Variants in APOOL observed in about 807,000 individuals in gnomAD.
The protein encoded by APOOL is MICOS complex subunit MIC27.
APOOL carries 12 observed loss-of-function variants against 23.1 expected under a neutral mutation model. The ratio of observed to expected loss-of-function variants is 0.52; its 90% confidence interval spans 0.33 to 0.84. APOOL has a LOEUF of 0.84. APOOL is among the 40% of genes least tolerant of loss of function. APOOL has a pLI of 0.02. For missense variants in APOOL, 212 were observed against 199.6 expected (o/e 1.06, Z -0.37); for synonymous variants, 77 against 69.9 (o/e 1.10, Z -0.51).
At chrX:85,038,528 T>A (rs1922298610) in intron 1 of APOOL, among the ~76,000 whole-genome samples, 2 of 15,835 alleles carry the variant, frequency 1.3e-4, no homozygotes, top group Non-Finnish European at 2.6e-4. Flanking sequence ...GTACAAGTTT[T>A]TTTTTTTTTT....
intron 1 of APOOL, among the ~76,000 whole-genome samples, chrX:85,025,511 A>T (rs1206948514): frequency 8.9e-6 from 1 of 112,220 alleles, no homozygotes; most frequent in Non-Finnish European, 1.9e-5. Context: ...ATCTGAGACA[A>T]GGCAAGTCCC....
At chrX:85,013,956 C>T (rs1293719551) in intron 1 of APOOL, among the ~76,000 whole-genome samples, 1 of 111,377 alleles carries the variant, frequency 9.0e-6, no homozygotes, top group Non-Finnish European at 1.9e-5. Context: ...TGCTGTCTAT[C>T]TCATTTCTTA....
At chrX:85,078,748 G>C (rs2147665490) in intron 8 of APOOL, among the ~76,000 whole-genome samples, 1 of 111,132 alleles carries the variant, frequency 9.0e-6, no homozygotes, top group Admixed American at 9.6e-5. Context: ...CCATTTATTT[G>C]TGTCCTCTTT....
At chrX:85,014,173 A>C (rs1249189305) in intron 1 of APOOL, among the ~76,000 whole-genome samples, 1 of 111,183 alleles carries the variant, frequency 9.0e-6, no homozygotes. Flanking sequence ...ATCTGCATGG[A>C]CTATCTTTTT....
chrX:85,090,854 A>G lies in APOOL; in HGVS notation c.*3176A>G, dbSNP rs1461406783. ...AGAGATAGGTATTGCTATGTTGCCC[A>G]GGCTGGTCTCAAACTCATGGCCTCA... On this transcript the variant is annotated 3_prime_UTR_variant, in exon 9 of 9. Coordinates refer to ENST00000373173, the MANE Select transcript of APOOL (RefSeq NM_198450.6). 1 of 112,046 alleles carries G rather than the reference A, an allele frequency of 8.9e-6. No homozygotes were observed. Among genetic ancestry groups the G allele is most frequent in the African/African-American group, 3.2e-5 (1 of 30,785 alleles). 9.2% of individuals were successfully genotyped at this position (112,046 alleles called of 1,213,427 possible). A position where few individuals can be genotyped will look rare whatever the true frequency, so the allele number is the denominator to read the frequency against.
chrX:85,020,409 A>G (rs780108053), intron 1 of APOOL, among the ~76,000 whole-genome samples: 2 of 111,286 alleles, frequency 1.8e-5, no homozygotes, highest in African/African-American at 6.5e-5. Flanking sequence ...AAAGAGGGCA[A>G]TGGACACTGG....
At chrX:85,018,256 T>G (rs1328823138) in intron 1 of APOOL, among the ~76,000 whole-genome samples, 1 of 112,118 alleles carries the variant, frequency 8.9e-6, no homozygotes, top group Non-Finnish European at 1.9e-5. Context: ...GGTGCTGACA[T>G]GTTTATGGTG....
chrX:85,069,680 T>A (rs1192818631), intron 6 of APOOL, among the ~76,000 whole-genome samples: 1 of 108,872 alleles, frequency 9.2e-6, no homozygotes, highest in African/African-American at 3.3e-5. Flanking sequence ...TTTCTTTGAG[T>A]ATTGGTCTCC....
At chrX:85,058,245 C>T (rs1005350991) in intron 5 of APOOL, among the ~76,000 whole-genome samples, 2 of 109,702 alleles carry the variant, frequency 1.8e-5, no homozygotes, top group Non-Finnish European at 3.8e-5. Context: ...CACAACAGGC[C>T]CCAGTGTGTG....
Position 85,046,536 on chromosome X carries a change from G to A in APOOL, c.106G>A (p.Val36Met), listed in dbSNP as rs754174284. The A allele has an allele frequency of 1.7e-6, 2 of 1,204,483 alleles. No individual in the cohort carries two copies. Among genetic ancestry groups the A allele is most frequent in the Admixed American group, 2.2e-5 (1 of 45,411 alleles). The change falls in exon 2 of 9, where the codon GTG becomes ATG. Residue 36 changes from valine to methionine, a missense_variant. Transcript: ENST00000373173. ...AKQEESKKQL[V>M]KPEQLPIYTA... The stretch of plus-strand genomic sequence containing the variant: ...ACAAGAGGAATCCAAAAAGCAGCTA[G>A]TGAAACCAGAGCAGGTAATTTGCCT...
intron 1 of APOOL, among the ~76,000 whole-genome samples, chrX:85,026,197 A>T (rs1702061367): frequency 8.8e-6 from 1 of 113,573 alleles, no homozygotes; most frequent in Non-Finnish European, 1.9e-5. Flanking sequence ...CCAGAGTGGT[A>T]GCCTGAACTC....
chrX:85,026,069 C>G (rs755376887), intron 1 of APOOL, among the ~76,000 whole-genome samples: 1 of 113,364 alleles, frequency 8.8e-6, no homozygotes, highest in East Asian at 2.8e-4. Context: ...CTCATATATC[C>G]TCAGTATCCT....
rs762967649 is a variant in APOOL at position 85,092,456 on chromosome X, C to T, written c.*4778C>T. 1.7e-5 allele frequency: 20 copies of T among 1,201,150 alleles called. No homozygotes were observed. The East Asian group carries it at 4.2e-4, about 25-fold the overall frequency. ...AACCTGAAGAGATGCCAGCCCTCCT[C>T]AGAGGAAAGGTCTAAAGCCCCTCGA... On this transcript the variant is annotated 3_prime_UTR_variant, in exon 9 of 9. Coordinates refer to ENST00000373173, the MANE Select transcript of APOOL (RefSeq NM_198450.6).
chrX:85,052,343 C>T (rs969369164), intron 3 of APOOL, among the ~76,000 whole-genome samples: 1 of 111,833 alleles, frequency 8.9e-6, no homozygotes, highest in East Asian at 2.8e-4. Flanking sequence ...CAGCAATATC[C>T]ATCAGCAGAG....
At chrX:85,004,424 G>A (rs752150735) in intron 1 of APOOL, among the ~76,000 whole-genome samples, 2 of 111,696 alleles carry the variant, frequency 1.8e-5, no homozygotes, top group African/African-American at 6.5e-5. Flanking sequence ...TGCTTTCTGT[G>A]CTCGAATAAC....
At chrX:85,028,786 C>T (rs951602319) in intron 1 of APOOL, among the ~76,000 whole-genome samples, 2 of 111,011 alleles carry the variant, frequency 1.8e-5, no homozygotes, top group African/African-American at 3.3e-5. Flanking sequence ...TGAGAACATA[C>T]GATCTTTGTC....
At position 85,029,073 on chromosome X, in the gene APOOL, G is replaced by A. The variant is rs138132888; in HGVS notation, c.16-17373G>A. ...CAGCAGTGGGATTGCTGGATTATAT[G>A]GTAGCTCAATTTTTAGTTTTTTTGA... On this transcript the variant is annotated intron_variant, in intron 1 of 8. Coordinates refer to ENST00000373173, the MANE Select transcript of APOOL (RefSeq NM_198450.6). Among the ~76,000 whole-genome samples the A allele has an allele frequency of 9.8e-4, 109 of 111,421 alleles. 1 individual carries two copies. Among genetic ancestry groups the A allele is most frequent in the African/African-American group, 3.3e-3 (102 of 30,675 alleles).
At chrX:85,069,610 TA>T (rs774325087) in intron 6 of APOOL, among the ~76,000 whole-genome samples, 1,497 of 40,945 alleles carry the variant, frequency 0.037, 50 homozygotes, top group African/African-American at 0.14. Context: ...ACGCCATCTC[TA>T]AAAAAAAAAA....
rs1374044928 is a variant in APOOL at position 85,044,276 on chromosome X, A to G, written c.16-2170A>G. Reference sequence around the variant, plus strand: ...TTTATGTGTGTGTGTGTGTGTATATATATATATATGTATTTTTTTGTTGAG... The same window carrying G: ...TTTATGTGTGTGTGTGTGTGTATATGTATATATATGTATTTTTTTGTTGAG... On this transcript the variant is annotated intron_variant, in intron 1 of 8. Transcript: ENST00000373173. Among the ~76,000 whole-genome samples the G allele has an allele frequency of 2.7e-5, 3 of 109,503 alleles. No individual in the cohort carries two copies. The Admixed American group carries it at 3.0e-4, about 11-fold the overall frequency.
Sources: gnomAD v4.1 joint callset for allele counts (sites outside exome capture counted in the v4.1 genomes callset) on GRCh38, gnomAD v4.1.1 for gene constraint, MANE v1.5 for transcripts, NCBI Gene and HGNC (gene_info 2026-07-23, HGNC 2026-07-21) for gene names.